The following PSG1 variants were observed in gnomAD, a reference collection of about 807,000 sequenced individuals.
PSG1 encodes pregnancy specific beta-1-glycoprotein 1.
PSG1 carries 60 observed loss-of-function variants against 41.4 expected under a neutral mutation model. The observed-to-expected ratio is 1.45, with a 90% confidence interval of 1.18 to 1.80. The LOEUF is 1.80. Ranked by LOEUF, PSG1 falls within the 40% of genes most tolerant of loss-of-function variation. The probability of loss-of-function intolerance (pLI) is 0.00; values close to 1 mark genes in which losing one functional copy is unlikely to be tolerated. For synonymous variants in PSG1, 256 were observed against 192.9 expected, an observed-to-expected ratio of 1.33 and a Z score of -2.71; for missense variants, 806 against 516.9, an observed-to-expected ratio of 1.56 and a Z score of -5.42.
intron 5 of PSG1, chr19:42,867,649 A>G (rs1487212029): frequency 2.7e-6 from 2 of 747,692 alleles, no homozygotes; most frequent in Non-Finnish European, 4.9e-6. Context: ...ATCAATTCTC[A>G]TGAATAGTTG....
chr19:42,867,909 T>C, intron 5 of PSG1, 192 bp downstream of exon 5: 3 of 1,496,390 alleles, frequency 2.0e-6, no homozygotes, highest in Non-Finnish European at 2.7e-6. Context: ...GGGAATATTA[T>C]GAAGATATCA....
rs753226468 is a variant in PSG1, at chr19:42,879,602, TCTC to T, written c.-24_-22del. On this transcript the variant is annotated 5_prime_UTR_variant, in exon 1 of 6. Coordinates refer to ENST00000436291, the MANE Select transcript of PSG1 (RefSeq NM_001184825.2). The stretch of plus-strand genomic sequence containing the variant: ...CCCATGGTCTCTGCTGCTTGTGTGT[TCTC>T]CTCTGTGGAGATAAGCCTAGGATCC... 415 of 1,609,150 alleles carry T rather than the reference TCTC, an allele frequency of 2.6e-4. 8 individuals carry two copies. Among genetic ancestry groups the T allele is most frequent in the Non-Finnish European group, 3.4e-4 (406 of 1,177,512 alleles).
chr19:42,871,701 G>T, intron 3 of PSG1, 66 bp downstream of exon 3: 1 of 1,612,356 alleles, frequency 6.2e-7, no homozygotes, highest in Non-Finnish European at 8.5e-7. Context: ...GGACAGAGAG[G>T]CCTGGCCTCT....
chr19:42,866,830 A>G lies in PSG1; in HGVS notation c.*304T>C. 3.3e-6 allele frequency: 2 copies of G among 602,762 alleles called. No homozygotes were observed. The highest frequency in any genetic ancestry group is 3.0e-6 in the Non-Finnish European group (1 of 335,764). The allele number at this position is 602,762 out of a possible 1,614,324, so 37.3% of individuals were successfully genotyped here. ...CTGCCAAGTGAAAGAGGCAGGCATG[A>G]GCAAGGACAGTTAAGAGGGGGGAGA... On this transcript the variant is annotated 3_prime_UTR_variant, in exon 6 of 6. Coordinates refer to ENST00000436291, the MANE Select transcript of PSG1 (RefSeq NM_001184825.2).
chr19:42,872,434 C>T (rs903570890), intron 2 of PSG1, among the ~76,000 whole-genome samples: 3 of 151,652 alleles, frequency 2.0e-5, no homozygotes, highest in Non-Finnish European at 4.4e-5. Flanking sequence ...ACTTTGCCCA[C>T]TGAGGTATGT....
intron 3 of PSG1, among the ~76,000 whole-genome samples, chr19:42,871,380 T>A (rs947300436): frequency 4.0e-4 from 61 of 151,522 alleles, no homozygotes; most frequent in African/African-American, 1.5e-3. Flanking sequence ...AAGAGAATAA[T>A]GTCACAGGCA....
intron 2 of PSG1, among the ~76,000 whole-genome samples, chr19:42,872,882 C>G (rs531188988): frequency 6.6e-6 from 1 of 151,818 alleles, no homozygotes; most frequent in Non-Finnish European, 1.5e-5. Context: ...AAAGGGCGAT[C>G]ATGAACTGAT....
intron 2 of PSG1, among the ~76,000 whole-genome samples, chr19:42,874,448 A>T (rs1392748074): frequency 2.6e-5 from 4 of 151,310 alleles, no homozygotes; most frequent in African/African-American, 4.9e-5. Flanking sequence ...CTGGGTTCAC[A>T]CCATTCTCCT....
intron 3 of PSG1, among the ~76,000 whole-genome samples, chr19:42,871,485 A>G (rs188588782): frequency 6.6e-6 from 1 of 151,794 alleles, no homozygotes; most frequent in East Asian, 1.9e-4. Flanking sequence ...TCCCAGCCAA[A>G]TCCCCACTGT....
chr19:42,871,660 G>C (rs779430800), intron 3 of PSG1, 107 bp downstream of exon 3: 4 of 1,610,110 alleles, frequency 2.5e-6, no homozygotes, highest in African/African-American at 1.3e-5. Flanking sequence ...TTGATGTCCA[G>C]GGGTAAAGGT....
Position 42,876,288 on chromosome 19 carries a change from G to C in PSG1, c.430+1625C>G, listed in dbSNP as rs371352446. The stretch of plus-strand genomic sequence containing the variant: ...GAGACACTGTCTTCAGAAACTCCAG[G>C]GACCAGGTGCCCCCAGTTCCATAGT... On this transcript the variant is annotated intron_variant, in intron 2 of 5. Transcript: ENST00000436291. Among the ~76,000 whole-genome samples the C allele has an allele frequency of 2.0e-3, 301 of 151,466 alleles. 9 individuals carry two copies. The highest frequency in any genetic ancestry group is 7.1e-3 in the African/African-American group (293 of 41,274).
At chr19:42,873,851 C>G (rs1568422574) in intron 2 of PSG1, among the ~76,000 whole-genome samples, 1 of 151,434 alleles carries the variant, frequency 6.6e-6, no homozygotes, top group Non-Finnish European at 1.5e-5. Context: ...TGGGGAGGAC[C>G]TCAAAACAGG....
Position 42,878,282 on chromosome 19 carries a change from G to A in PSG1, c.65-4C>T. 1 of 1,602,294 alleles carries A rather than the reference G, an allele frequency of 6.2e-7. No individual in the cohort carries two copies. The highest frequency in any genetic ancestry group is 8.5e-7 in the Non-Finnish European group (1 of 1,174,470). ...TTCCAGAAGTTTAAAAGTGATGCTA[G>A]GAGGTGGAGAGAACATCAGTCAATA... On this transcript the variant is annotated splice_polypyrimidine_tract_variant and splice_region_variant and intron_variant, in intron 1 of 5. Transcript: ENST00000436291.
At position 42,878,401 on chromosome 19, in the gene PSG1, A is replaced by G. The variant is rs1600518414; in HGVS notation, c.65-123T>C. 1.3e-5 allele frequency: 18 copies of G among 1,353,072 alleles called. 1 individual carries two copies. The highest frequency in any genetic ancestry group is 2.2e-4 in the Middle Eastern group (1 of 4,590). The allele number at this position is 1,353,072 out of a possible 1,614,324, so 83.8% of individuals were successfully genotyped here. A position where few individuals can be genotyped will look rare whatever the true frequency, so the allele number is the denominator to read the frequency against. On this transcript the variant is annotated intron_variant, in intron 1 of 5. Coordinates refer to ENST00000436291, the MANE Select transcript of PSG1 (RefSeq NM_001184825.2). ...CTTGACAACACAGACACACACACAC[A>G]TACAAACACACACACACACACACAC...
rs1476431364 is a variant in PSG1 at position 42,871,999 on chromosome 19, C to A, written c.477G>T (p.Arg159Ser). Residue 159 changes from arginine to serine, a missense_variant, in exon 3 of 6, where the codon AGG becomes AGT. Transcript: ENST00000436291. ...PSISSSNLNP[R>S]ETMEAVSLTC... ...TTAAGCTCACAGCCTCCATGGTCTC[C>A]CTGGGATTTAAGTTGCTGCTGGAGA... The A allele has an allele frequency of 8.7e-6, 14 of 1,612,232 alleles. No homozygotes were observed. The highest frequency in any genetic ancestry group is 1.2e-5 in the Non-Finnish European group (14 of 1,179,158).
chr19:42,874,619 G>A (rs1021476846), intron 2 of PSG1, among the ~76,000 whole-genome samples: 11 of 151,790 alleles, frequency 7.2e-5, no homozygotes, highest in Non-Finnish European at 1.0e-4. Context: ...GGGATTATAG[G>A]CGTGAGCCAC....
intron 1 of PSG1, 107 bp downstream of exon 1, chr19:42,879,411 C>G: frequency 6.6e-7 from 1 of 1,514,422 alleles, no homozygotes; most frequent in Non-Finnish European, 9.1e-7. Flanking sequence ...CTCAGACTCC[C>G]AAAGTGCTGG....
At chr19:42,872,531 G>C (rs1971437862) in intron 2 of PSG1, among the ~76,000 whole-genome samples, 1 of 151,686 alleles carries the variant, frequency 6.6e-6, no homozygotes, top group Non-Finnish European at 1.5e-5. Flanking sequence ...GTACTGGAAA[G>C]CCTGGCCTGG....
At chr19:42,867,378 T>G (rs1284514606) in intron 5 of PSG1, 7 of 582,290 alleles carry the variant, frequency 1.2e-5, no homozygotes, top group Non-Finnish European at 2.1e-5. Context: ...CCATGTAGGC[T>G]GTCTTCTAAA....
Sources: allele counts gnomAD v4.1 joint callset (sites outside exome capture counted in the v4.1 genomes callset), GRCh38; gene constraint gnomAD v4.1.1; transcripts MANE v1.5; gene names NCBI Gene and HGNC (gene_info 2026-07-23, HGNC 2026-07-21).